The following NPC1 variants were observed in gnomAD, a reference collection of about 807,000 sequenced individuals.
NPC1 encodes NPC intracellular cholesterol transporter 1.
A neutral mutation model predicts 140.4 loss-of-function variants in NPC1; 85 were observed. The ratio of observed to expected loss-of-function variants is 0.61; its 90% CI spans 0.51 to 0.72. The LOEUF (loss-of-function observed/expected upper bound fraction) is 0.72. NPC1 is among the 30% of genes least tolerant of loss of function. The probability of loss-of-function intolerance (pLI) is 0.00; values close to 1 mark genes in which losing one functional copy is unlikely to be tolerated. For missense variants in NPC1, 1,504 were observed against 1,623.8 expected (o/e 0.93, Z 1.27); for synonymous variants, 656 against 624.8 (o/e 1.05, Z -0.74).
At chr18:23,524,586 C>A, downstream of NPC1, 1 of 1,188,308 alleles carries the variant, frequency 8.4e-7, no homozygotes, top group Non-Finnish European at 1.2e-6. Flanking sequence ...TAGAAATGAC[C>A]CCTCCTTTCA....
rs185093065 is a variant in NPC1 at position 23,532,076 on chromosome 18, C to T, written c.*126G>A. 1 of 1,609,648 alleles carries T rather than the reference C, an allele frequency of 6.2e-7. No homozygotes were observed. The highest frequency in any genetic ancestry group is 1.3e-5 in the African/African-American group (1 of 74,908). On this transcript the variant is annotated 3_prime_UTR_variant, in exon 25 of 25. Transcript: ENST00000269228. ...GAGTTCACAGGCGCTACGTTCAAAG[C>T]TGCTGCCAAACAACCGATGGTTGGC...
At chr18:23,558,675 A>G (rs2058990310) in intron 6 of NPC1, among the ~76,000 whole-genome samples, 1 of 152,228 alleles carries the variant, frequency 6.6e-6, no homozygotes. Flanking sequence ...ATAATAATGT[A>G]ATAATAATGG....
chr18:23,527,986 T>G, downstream of NPC1: 1 of 1,136,692 alleles, frequency 8.8e-7, no homozygotes, highest in Admixed American at 2.6e-5. Flanking sequence ...CAAAATTGTT[T>G]CCTATATATT....
chr18:23,540,978 A>G (rs920853825), intron 16 of NPC1, 90 bp downstream of exon 16: 3 of 1,431,808 alleles, frequency 2.1e-6, no homozygotes, highest in Non-Finnish European at 9.8e-7. Context: ...AGCTTTAAGA[A>G]TCTCCTTCCC....
At chr18:23,524,510 T>TA, downstream of NPC1, 1 of 1,610,596 alleles carries the variant, frequency 6.2e-7, no homozygotes, top group African/African-American at 1.3e-5. Flanking sequence ...GTTGTCGTGT[T>TA]ACAACATGGT....
chr18:23,556,203 G>A (rs1019421469), intron 8 of NPC1, 40 bp downstream of exon 8: 22 of 1,581,502 alleles, frequency 1.4e-5, no homozygotes, highest in Admixed American at 3.3e-5. Flanking sequence ...CAAACCACAA[G>A]GTCATCTAGA....
chr18:23,551,574 C>A (rs2058873012), intron 10 of NPC1, 53 bp downstream of exon 10: 2 of 1,370,522 alleles, frequency 1.5e-6, no homozygotes, highest in Non-Finnish European at 2.1e-6. Flanking sequence ...ATGCTAATGA[C>A]AAAACCGAGA....
At chr18:23,575,183 G>C (rs753719327) in intron 1 of NPC1, among the ~76,000 whole-genome samples, 23 of 152,234 alleles carry the variant, frequency 1.5e-4, no homozygotes, top group Non-Finnish European at 2.9e-4. Flanking sequence ...GCTCTGGCCT[G>C]ACAAACAGGA....
downstream of NPC1, among the ~76,000 whole-genome samples, chr18:23,521,018 C>G (rs564269059): frequency 5.3e-5 from 8 of 151,828 alleles, no homozygotes; most frequent in African/African-American, 1.9e-4. Flanking sequence ...ACGCCTGGCC[C>G]AAATTTTTAT....
Position 23,510,465 on chromosome 18 carries a change from T to G in NPC1, c.432-3823A>C, listed in dbSNP as rs140125671. 8.0e-4 allele frequency among the ~76,000 whole-genome samples: 121 copies of G among 151,504 alleles called. 3 individuals carry two copies. The East Asian group carries it at 0.023, about 28-fold the overall frequency. On this transcript the variant is annotated intron_variant, in intron 3 of 3. Transcript: ENST00000591107. ...GAGTTCGAGACCAGCATGGCCAACA[T>G]GACGAAACCCTGTCTCTATTAAAAA...
At chr18:23,537,838 T>C (rs1476011739) in intron 20 of NPC1, among the ~76,000 whole-genome samples, 2 of 152,210 alleles carry the variant, frequency 1.3e-5, no homozygotes, top group Non-Finnish European at 2.9e-5. Context: ...ATACCTCGAA[T>C]AGGTCTCAAA....
In NPC1 at chr18:23,541,127, G is replaced by A. The variant is rs762226042; in HGVS notation, c.2455C>T (p.Arg819Cys). The stretch of plus-strand genomic sequence containing the variant: ...GGAGAATAGGAGTTTTTGAAGAAGC[G>A]AAACAAACAGCTCTCTGAGGCCTGG... ...SVQASESCLF[R>C]FFKNSYSPLL... is the part of the protein sequence containing the mutation. Residue 819 changes from arginine to cysteine, a missense_variant, in exon 16 of 25, where the codon CGC becomes TGC. Coordinates refer to ENST00000269228, the MANE Select transcript of NPC1 (RefSeq NM_000271.5). 35 of 1,614,038 alleles carry A rather than the reference G, an allele frequency of 2.2e-5. No homozygotes were observed. The South Asian group carries it at 3.0e-4, about 14-fold the overall frequency.
intron 2 of NPC1, among the ~76,000 whole-genome samples, chr18:23,573,012 T>C (rs2059225289): frequency 6.6e-6 from 1 of 152,156 alleles, no homozygotes; most frequent in Non-Finnish European, 1.5e-5. Context: ...AGAATCCTGG[T>C]AGCAGCCAAA....
chr18:23,573,600 G>C (rs748082570), intron 1 of NPC1, 26 bp from the exon 2 acceptor site: 2 of 1,614,020 alleles, frequency 1.2e-6, no homozygotes, highest in Non-Finnish European at 1.7e-6. Flanking sequence ...ACAAACTTCA[G>C]TGTTACCAGG....
intron 9 of NPC1, among the ~76,000 whole-genome samples, chr18:23,553,561 T>A (rs115328728): frequency 3.3e-5 from 5 of 152,188 alleles, no homozygotes; most frequent in Admixed American, 6.5e-5. Context: ...TCTTGAGAAG[T>A]AGTCGGCTGA....
intron 3 of NPC1, chr18:23,515,887 T>C (rs777245200): frequency 1.2e-6 from 2 of 1,614,156 alleles, no homozygotes; most frequent in Non-Finnish European, 1.7e-6. Context: ...CTGAAACTCT[T>C]GAAGAGCCAC....
In NPC1 at chr18:23,536,744, G is replaced by C; in HGVS notation, c.3174C>G (p.Ala1058=). 1 of 1,614,180 alleles carries C rather than the reference G, an allele frequency of 6.2e-7. No individual in the cohort carries two copies. The highest frequency in any genetic ancestry group is 8.5e-7 in the Non-Finnish European group (1 of 1,180,032). Residue 1058 remains alanine, a synonymous_variant, in exon 21 of 25, where the codon GCC becomes GCG. Coordinates refer to ENST00000269228, the MANE Select transcript of NPC1 (RefSeq NM_000271.5). ...SADFIDALKK[A]RLIASNVTET... is the part of the protein sequence containing the mutation. ...CGGTGACATTACTGGCTATAAGTCG[G>C]GCTTTCTTCAGAGCGTCAATAAAGT...
chr18:23,519,662 AATT>A (rs1465947595), downstream of NPC1, among the ~76,000 whole-genome samples: 1 of 152,220 alleles, frequency 6.6e-6, no homozygotes, highest in Admixed American at 6.5e-5. Flanking sequence ...GATTAAAGAT[AATT>A]CAAAACTATT....
downstream of NPC1, chr18:23,518,858 A>T (rs2058074683): frequency 6.3e-7 from 1 of 1,597,478 alleles, no homozygotes; most frequent in East Asian, 2.2e-5. Flanking sequence ...GAATGGCCAG[A>T]TGTGATTTAT....
Sources: gnomAD v4.1 joint callset for allele counts (sites outside exome capture counted in the v4.1 genomes callset) on GRCh38, gnomAD v4.1.1 for gene constraint, MANE v1.5 for transcripts, NCBI Gene and HGNC (gene_info 2026-07-23, HGNC 2026-07-21) for gene names.